TUNAR: variants seen among roughly 807,000 people sequenced by gnomAD.
TUNAR encodes the protein protein TUNAR.
At chr14:95,909,026 G>A (rs1889470569) in intron 2 of TUNAR, among the ~76,000 whole-genome samples, 1 of 152,160 alleles carries the variant, frequency 6.6e-6, no homozygotes, top group Non-Finnish European at 1.5e-5. Context: ...CCTTTCCTCA[G>A]AGATACCTGA....
intron 2 of TUNAR, among the ~76,000 whole-genome samples, chr14:95,917,342 T>A (rs1289221571): frequency 6.6e-6 from 1 of 152,240 alleles, no homozygotes; most frequent in African/African-American, 2.4e-5. Flanking sequence ...CATGTGTGTG[T>A]AACTTTGTTT....
At chr14:95,909,578 C>T (rs891985602) in intron 2 of TUNAR, among the ~76,000 whole-genome samples, 2 of 152,082 alleles carry the variant, frequency 1.3e-5, no homozygotes, top group African/African-American at 2.4e-5. Flanking sequence ...CCACCGTGCC[C>T]GGCCGCTGCC....
At chr14:95,896,686 A>G (rs1889274531) in intron 2 of TUNAR, among the ~76,000 whole-genome samples, 1 of 152,246 alleles carries the variant, frequency 6.6e-6, no homozygotes, top group South Asian at 2.1e-4. Context: ...CCCACTTGCA[A>G]GCAGTTTGTA....
At chr14:95,909,200 C>A (rs1889473753) in intron 2 of TUNAR, among the ~76,000 whole-genome samples, 1 of 151,916 alleles carries the variant, frequency 6.6e-6, no homozygotes. Flanking sequence ...TTTTCTCACT[C>A]AACACACAGT....
At chr14:95,883,395 AC>A (rs1246528679) in intron 2 of TUNAR, among the ~76,000 whole-genome samples, 1 of 151,662 alleles carries the variant, frequency 6.6e-6, no homozygotes, top group Non-Finnish European at 1.5e-5. Flanking sequence ...ACTAGGATCC[AC>A]CCCCCCAACA....
At chr14:95,914,992 G>C (rs904510516) in intron 2 of TUNAR, among the ~76,000 whole-genome samples, 4 of 152,158 alleles carry the variant, frequency 2.6e-5, no homozygotes, top group African/African-American at 9.7e-5. Flanking sequence ...AGTTCCAGTG[G>C]GTGCAAGCTA....
chr14:95,897,423 G>A (rs1889285738), intron 2 of TUNAR, among the ~76,000 whole-genome samples: 1 of 152,162 alleles, frequency 6.6e-6, no homozygotes, highest in Admixed American at 6.5e-5. Flanking sequence ...ATTTCATAAG[G>A]TGAGGTTGTT....
At chr14:95,889,553 T>C (rs573829676) in intron 2 of TUNAR, among the ~76,000 whole-genome samples, 141 of 152,034 alleles carry the variant, frequency 9.3e-4, no homozygotes, top group African/African-American at 3.3e-3. Context: ...GCTGTGAACT[T>C]TCAGGTTCTC....
At chr14:95,911,410 T>C (rs567192598) in intron 2 of TUNAR, among the ~76,000 whole-genome samples, 1 of 152,330 alleles carries the variant, frequency 6.6e-6, no homozygotes, top group East Asian at 1.9e-4. Flanking sequence ...ATTTGTGTTT[T>C]CCGTTCACTG....
At chr14:95,894,703 C>T in intron 2 of TUNAR, among the ~76,000 whole-genome samples, 1 of 152,212 alleles carries the variant, frequency 6.6e-6, no homozygotes, top group Non-Finnish European at 1.5e-5. Context: ...TAAGGCCATG[C>T]CTGGAAGAGC....
At chr14:95,883,747 T>C (rs1889021193) in intron 2 of TUNAR, among the ~76,000 whole-genome samples, 1 of 152,012 alleles carries the variant, frequency 6.6e-6, no homozygotes, top group Non-Finnish European at 1.5e-5. Flanking sequence ...CTCTGACCCT[T>C]CACTGGTTTC....
chr14:95,924,583 CACAATT>C (rs1889754423), exon 3 of TUNAR: 1 of 152,266 alleles, frequency 6.6e-6, no homozygotes, highest in African/African-American at 2.4e-5. Flanking sequence ...GAGGAGGCCT[CACAATT>C]ACGGTGGAAG....
chr14:95,917,305 C>T (rs995777748), intron 2 of TUNAR, among the ~76,000 whole-genome samples: 1 of 152,164 alleles, frequency 6.6e-6, no homozygotes, highest in African/African-American at 2.4e-5. Flanking sequence ...ATCAAAGACC[C>T]GTTTACCCCT....
intron 2 of TUNAR, among the ~76,000 whole-genome samples, chr14:95,919,216 A>G (rs950144231): frequency 6.6e-6 from 1 of 152,230 alleles, no homozygotes; most frequent in African/African-American, 2.4e-5. Context: ...AAACAGACAC[A>G]ACCACTTTGA....
chr14:95,902,647 C>T (rs1419092901), intron 2 of TUNAR, among the ~76,000 whole-genome samples: 1 of 152,138 alleles, frequency 6.6e-6, no homozygotes, highest in Non-Finnish European at 1.5e-5. Context: ...AATGGGGACG[C>T]TCAAGTGCTG....
chr14:95,920,269 T>C (rs1348492776), intron 2 of TUNAR, among the ~76,000 whole-genome samples: 6 of 151,978 alleles, frequency 3.9e-5, no homozygotes, highest in African/African-American at 1.5e-4. Context: ...GGATAGTGAT[T>C]GGATGGGGCA....
chr14:95,886,937 C>G (rs1018246399), intron 2 of TUNAR, among the ~76,000 whole-genome samples: 2 of 152,170 alleles, frequency 1.3e-5, no homozygotes, highest in Non-Finnish European at 2.9e-5. Context: ...CTGGGCATGA[C>G]CCCTAGATGT....
intron 2 of TUNAR, among the ~76,000 whole-genome samples, chr14:95,900,784 T>A (rs1434782629): frequency 6.6e-6 from 1 of 152,178 alleles, no homozygotes; most frequent in Non-Finnish European, 1.5e-5. Context: ...ACTGTGGGCA[T>A]TAAAAACAGT....
chr14:95,898,431 C>T (rs1889297590), intron 2 of TUNAR, among the ~76,000 whole-genome samples: 1 of 152,214 alleles, frequency 6.6e-6, no homozygotes, highest in Non-Finnish European at 1.5e-5. Context: ...TCCTTCAGCT[C>T]TGGGAGATTC....
Sources: gnomAD v4.1 joint callset for allele counts (sites outside exome capture counted in the v4.1 genomes callset) on GRCh38, gnomAD v4.1.1 for gene constraint, MANE v1.5 for transcripts, NCBI Gene and HGNC (gene_info 2026-07-23, HGNC 2026-07-21) for gene names.